Variants in LARP4B observed in about 807,000 individuals in gnomAD.
The protein encoded by LARP4B is La ribonucleoprotein 4B, also known as la-related protein 4B.
Under a neutral mutation model 89.8 loss-of-function variants are expected in LARP4B, and 12 were observed. That is an observed-to-expected ratio of 0.13 (90% CI 0.09 to 0.22). LARP4B has a LOEUF of 0.22. LARP4B is among the 10% of genes least tolerant of loss of function. LARP4B has a pLI of 1.00. For missense variants in LARP4B, 757 were observed against 947.7 expected (o/e 0.80, Z 2.64); for synonymous variants, 367 against 363.3 (o/e 1.01, Z -0.12).
At chr10:855,053 G>A (rs1295526399) in intron 5 of LARP4B, among the ~76,000 whole-genome samples, 1 of 152,134 alleles carries the variant, frequency 6.6e-6, no homozygotes, top group African/African-American at 2.4e-5. Flanking sequence ...TTCTTCTGCA[G>A]CTTCCTCACC....
At chr10:820,571 G>A (rs959029573) in intron 14 of LARP4B, 15 of 504,800 alleles carry the variant, frequency 3.0e-5, no homozygotes, top group Non-Finnish European at 4.6e-5. Flanking sequence ...AGCACAACAC[G>A]CCTGTGCACT....
rs1323546669 is a variant in LARP4B at position 829,473 on chromosome 10, A to G, written c.1037T>C (p.Met346Thr). The G allele has an allele frequency of 4.3e-6, 7 of 1,614,178 alleles. No individual in the cohort carries two copies. Residue 346 changes from methionine (M) to threonine (T), a missense_variant, in exon 11 of 18, where the codon ATG (methionine) becomes ACG (threonine). Met to Thr is a moderately conservative substitution (Grantham distance 81, BLOSUM62 -1). This residue lies in a region of LARP4B where 137 missense variants were observed against 213.9 expected (regional missense o/e 0.64). Transcript: ENST00000316157. ...RYATSFYFPP[M>T]YSPQQQFPLY... ...GGGGAACTGCTGCTGGGGGCTGTAC[A>G]TGGGAGGGAAGTAGAACGACGTCGC...
At chr10:973,587 G>C in the LARP4B span, among the ~76,000 whole-genome samples, 2 of 151,950 alleles carry the variant, frequency 1.3e-5, no homozygotes, top group Non-Finnish European at 2.9e-5. Context: ...TCCTGACCTC[G>C]TGGTCTCCCT....
At chr10:842,527 T>A (rs189034233) in intron 7 of LARP4B, among the ~76,000 whole-genome samples, 13 of 152,250 alleles carry the variant, frequency 8.5e-5, no homozygotes, top group African/African-American at 2.2e-4. Flanking sequence ...ATTGCAATAA[T>A]TATTTCATCC....
intron 6 of LARP4B, among the ~76,000 whole-genome samples, chr10:843,965 C>A (rs1241512621): frequency 6.6e-6 from 1 of 152,186 alleles, no homozygotes; most frequent in African/African-American, 2.4e-5. Context: ...GGTGTTTTGG[C>A]CAAAGATCAA....
Position 815,078 on chromosome 10 carries a change from A to T in LARP4B, c.1696-8T>A, listed in dbSNP as rs1325300744. On this transcript the variant is annotated splice_polypyrimidine_tract_variant and splice_region_variant and intron_variant, in intron 15 of 17. Coordinates refer to ENST00000316157, the MANE Select transcript of LARP4B (RefSeq NM_015155.3). ...TGCGTCTGCACTGAGGGTCTGAAAC[A>T]GGGTCAAGAGTGTTCATCAGAGTCC... The T allele has an allele frequency of 2.6e-6, 4 of 1,544,382 alleles. No homozygotes were observed. The South Asian group carries it at 4.9e-5, about 19-fold the overall frequency.
chr10:926,807 C>T (rs1359478863), intron 1 of LARP4B, among the ~76,000 whole-genome samples: 1 of 152,312 alleles, frequency 6.6e-6, no homozygotes, highest in African/African-American at 2.4e-5. Context: ...GAGGCCAAGG[C>T]AGATGGGTCA....
intron 15 of LARP4B, among the ~76,000 whole-genome samples, chr10:817,416 A>G (rs1252173910): frequency 6.6e-6 from 1 of 152,240 alleles, no homozygotes; most frequent in Non-Finnish European, 1.5e-5. Context: ...TTATAAAATA[A>G]AGGCAGGTCT....
chr10:935,812 G>A (rs533641336), upstream of LARP4B, among the ~76,000 whole-genome samples: 127 of 142,722 alleles, frequency 8.9e-4, 2 homozygotes, highest in Non-Finnish European at 1.4e-3. Context: ...TGCGCCTACC[G>A]AGTTCAAGTG....
intron 7 of LARP4B, among the ~76,000 whole-genome samples, chr10:840,391 T>A (rs768123913): frequency 6.6e-5 from 10 of 152,154 alleles, no homozygotes; most frequent in Non-Finnish European, 1.2e-4. Context: ...CCCACAAAAA[T>A]TCCTGTGCTT....
At chr10:859,192 T>C (rs760271355) in intron 5 of LARP4B, among the ~76,000 whole-genome samples, 1 of 151,972 alleles carries the variant, frequency 6.6e-6, no homozygotes, top group African/African-American at 2.4e-5. Context: ...GGCAGGAGAA[T>C]TGCTTGAACC....
chr10:813,357 A>T (rs1831845366), intron 17 of LARP4B, 144 bp from the exon 18 acceptor site: 2 of 775,742 alleles, frequency 2.6e-6, no homozygotes, highest in Non-Finnish European at 3.9e-6. Flanking sequence ...TAAAAAGTTC[A>T]TAAAATCTAA....
chr10:815,165 A>T (rs1831968375), intron 15 of LARP4B, 95 bp from the exon 16 acceptor site: 4 of 1,447,634 alleles, frequency 2.8e-6, no homozygotes, highest in Non-Finnish European at 3.7e-6. Context: ...CAGCCTTGGG[A>T]GAGCAGCACA....
chr10:915,618 C>T (rs529904830), intron 1 of LARP4B, among the ~76,000 whole-genome samples: 3 of 152,164 alleles, frequency 2.0e-5, no homozygotes, highest in African/African-American at 7.2e-5. Flanking sequence ...TCCTGGCTAA[C>T]ACGGTGAAAC....
the LARP4B span, among the ~76,000 whole-genome samples, chr10:954,514 G>A: frequency 2.6e-5 from 4 of 152,120 alleles, no homozygotes; most frequent in Admixed American, 2.0e-4. The surrounding 1 kb of genome is among the most constrained non-coding windows in gnomAD (Gnocchi z 5.0). Context: ...GAAGAGGTGC[G>A]AAAAGTTGGG....
At chr10:938,961 G>A in the LARP4B span, among the ~76,000 whole-genome samples, 6 of 152,232 alleles carry the variant, frequency 3.9e-5, no homozygotes, top group Admixed American at 1.3e-4. Flanking sequence ...GACAAGTGGC[G>A]TGGTGAAAAT....
Position 814,922 on chromosome 10 carries a change from C to A in LARP4B, c.1820+24G>T. ...CCATTCAAGTCAGTCAACACCAAGG[C>A]GCTGGAAGAACACCAATACTCACTC... On this transcript the variant is annotated intron_variant, in intron 16 of 17. Transcript: ENST00000316157. This position sits in a 1 kb window ranked among gnomAD's most constrained non-coding sequence, Gnocchi z 4.4. 3 of 1,576,866 alleles carry A rather than the reference C, an allele frequency of 1.9e-6. No individual in the cohort carries two copies. The highest frequency in any genetic ancestry group is 2.3e-5 in the South Asian group (2 of 86,192).
chr10:921,207 A>C (rs1247143885), intron 1 of LARP4B, among the ~76,000 whole-genome samples: 1 of 151,884 alleles, frequency 6.6e-6, no homozygotes, highest in African/African-American at 2.4e-5. Flanking sequence ...CAGGAGGTGG[A>C]GGTTGCAGTG....
the LARP4B span, among the ~76,000 whole-genome samples, chr10:973,673 C>T: frequency 3.9e-5 from 6 of 152,104 alleles, no homozygotes; most frequent in Non-Finnish European, 5.9e-5. Context: ...AACATACTTC[C>T]CTGTGCTCTA....
Sources: gnomAD v4.1 joint callset for allele counts (sites outside exome capture counted in the v4.1 genomes callset) on GRCh38, gnomAD v4.1.1 for gene constraint, gnomAD v4.1.1 regional missense constraint, Gnocchi (gnomAD v3.1) non-coding constraint, MANE v1.5 for transcripts, NCBI Gene and HGNC (gene_info 2026-07-23, HGNC 2026-07-21) for gene names.